Variants in SLC37A1 observed in about 807,000 individuals in gnomAD.
The protein encoded by SLC37A1 is glucose-6-phosphate exchanger SLC37A1.
In SLC37A1, 49 loss-of-function variants were observed where a neutral mutation model predicts 75.3. The observed-to-expected ratio is 0.65, with a 90% CI of 0.52 to 0.83. SLC37A1 has a LOEUF of 0.83. Among genes scored for constraint, SLC37A1 ranks in the 40% least tolerant of loss-of-function variants. SLC37A1 has a pLI of 0.00. For synonymous variants in SLC37A1, 268 were observed against 292.1 expected (o/e 0.92, Z 0.84); for missense variants, 566 against 695.0 (o/e 0.81, Z 2.09).
chr21:42,532,334 C>T (rs1219580802), intron 3 of SLC37A1, among the ~76,000 whole-genome samples: 1 of 152,220 alleles, frequency 6.6e-6, no homozygotes, highest in Non-Finnish European at 1.5e-5. Context: ...AAGCGGCGGC[C>T]TGCAGAATCT....
intron 10 of SLC37A1, 130 bp from the exon 11 acceptor site, chr21:42,558,828 A>G: frequency 9.0e-7 from 1 of 1,117,304 alleles, no homozygotes; most frequent in Non-Finnish European, 1.3e-6. Flanking sequence ...AATGTCACCC[A>G]GGATGTCTCC....
At chr21:42,551,017 T>G (rs1048646349) in intron 9 of SLC37A1, among the ~76,000 whole-genome samples, 19 of 152,212 alleles carry the variant, frequency 1.2e-4, no homozygotes, top group African/African-American at 3.4e-4. Flanking sequence ...GGAACAAGAC[T>G]AGGAGGCCTG....
intron 18 of SLC37A1, among the ~76,000 whole-genome samples, chr21:42,578,346 T>C (rs959662968): frequency 2.0e-5 from 3 of 152,248 alleles, no homozygotes; most frequent in Non-Finnish European, 4.4e-5. Flanking sequence ...TGTTTTGAAA[T>C]TGGATCTCTG....
intron 19 of SLC37A1, 126 bp downstream of exon 19, chr21:42,579,926 C>A: frequency 1.2e-6 from 1 of 839,202 alleles, no homozygotes; most frequent in Non-Finnish European, 1.9e-6. Flanking sequence ...TTTCACGGCA[C>A]GCCACCTTCA....
intron 2 of SLC37A1, among the ~76,000 whole-genome samples, chr21:42,521,585 C>T (rs763913411): frequency 1.8e-4 from 27 of 152,236 alleles, no homozygotes; most frequent in Admixed American, 1.1e-3. Flanking sequence ...CCTGAGAACA[C>T]GTGGTCTTCC....
In SLC37A1 at chr21:42,579,727, T is replaced by C; in HGVS notation, c.1522-9T>C. On this transcript the variant is annotated splice_polypyrimidine_tract_variant and intron_variant, in intron 18 of 19. Coordinates refer to ENST00000352133, the MANE Select transcript of SLC37A1 (RefSeq NM_001320537.2). ...AGTAACAGGTGGGCTCACCTTTGTT[T>C]TGGTGCAGTTCCTGATCCGCCTCAT... is the stretch of plus-strand genomic sequence containing the variant. 6.2e-7 allele frequency: 1 copy of C among 1,614,122 alleles called. No individual in the cohort carries two copies. Among genetic ancestry groups the C allele is most frequent in the Non-Finnish European group, 8.5e-7 (1 of 1,180,016 alleles).
chr21:42,567,209 C>A, intron 16 of SLC37A1, 151 bp downstream of exon 16: 1 of 717,070 alleles, frequency 1.4e-6, no homozygotes, highest in Non-Finnish European at 2.4e-6. Context: ...AGCCTTCCCG[C>A]ACCTGCCCCG....
At chr21:42,574,027 ACACACACATG>A (rs1355169243) in intron 17 of SLC37A1, among the ~76,000 whole-genome samples, 1 of 152,014 alleles carries the variant, frequency 6.6e-6, no homozygotes, top group Non-Finnish European at 1.5e-5. Context: ...GTGTTTTTAC[ACACACACATG>A]CACACACACA....
At chr21:42,574,174 G>A (rs1433694949) in intron 17 of SLC37A1, among the ~76,000 whole-genome samples, 1 of 152,234 alleles carries the variant, frequency 6.6e-6, no homozygotes, top group Non-Finnish European at 1.5e-5. Flanking sequence ...ACAGACCACA[G>A]TGCATGATCA....
chr21:42,529,196 C>G (rs1447297716), intron 3 of SLC37A1, among the ~76,000 whole-genome samples: 1 of 152,084 alleles, frequency 6.6e-6, no homozygotes, highest in Admixed American at 6.5e-5. Flanking sequence ...TTTGACAGAG[C>G]TTATTTAATA....
chr21:42,522,906 G>A (rs1335258478), intron 2 of SLC37A1, among the ~76,000 whole-genome samples: 1 of 152,260 alleles, frequency 6.6e-6, no homozygotes, highest in Non-Finnish European at 1.5e-5. Context: ...TGTGCTGTGA[G>A]CACCAGCCGG....
intron 1 of SLC37A1, chr21:42,515,047 C>A (rs3788018): frequency 0.82 from 124,566 of 152,226 alleles, 51,693 homozygotes; most frequent in African/African-American, 0.88. Context: ...TCATTTTGGA[C>A]CTGCATTTAC....
chr21:42,569,735 CTCT>C (rs2056078488), intron 17 of SLC37A1, among the ~76,000 whole-genome samples: 1 of 152,268 alleles, frequency 6.6e-6, no homozygotes, highest in Non-Finnish European at 1.5e-5. Flanking sequence ...GTTTTGTCTC[CTCT>C]GTCTCCTGCC....
upstream of SLC37A1, among the ~76,000 whole-genome samples, chr21:42,512,403 TAA>T (rs2054445091): frequency 6.6e-6 from 1 of 151,858 alleles, no homozygotes; most frequent in South Asian, 2.1e-4. Flanking sequence ...TGAGGCAGCT[TAA>T]AGAGTGGATT....
intron 10 of SLC37A1, among the ~76,000 whole-genome samples, chr21:42,557,247 A>C (rs550548049): frequency 6.6e-6 from 1 of 152,206 alleles, no homozygotes; most frequent in Admixed American, 6.5e-5. Context: ...TGTAGCCCTC[A>C]GCTTGCTATG....
At chr21:42,579,104 C>T (rs1292296444) in intron 18 of SLC37A1, among the ~76,000 whole-genome samples, 1 of 152,258 alleles carries the variant, frequency 6.6e-6, no homozygotes, top group Admixed American at 6.5e-5. Context: ...TGTAGGCTGG[C>T]GTTGAGCCCT....
chr21:42,499,896 T>A (rs2054325520), intron 1 of SLC37A1, among the ~76,000 whole-genome samples: 1 of 152,268 alleles, frequency 6.6e-6, no homozygotes, highest in African/African-American at 2.4e-5. Flanking sequence ...TGCTTCCTGG[T>A]GGGATGGCCT....
chr21:42,564,796 C>G lies in SLC37A1; in HGVS notation c.1221+3C>G, dbSNP rs376802555. ...TGCTGCTGCTCGCGGCCCCCACGGT[C>G]AGCCGTGCTGCCTTCCCTGGGCCCC... On this transcript the variant is annotated splice_donor_region_variant and intron_variant, in intron 14 of 19. Coordinates refer to ENST00000352133, the MANE Select transcript of SLC37A1 (RefSeq NM_001320537.2). 14 of 1,603,478 alleles carry G rather than the reference C, an allele frequency of 8.7e-6. No individual in the cohort carries two copies. The highest frequency in any genetic ancestry group is 1.1e-5 in the Non-Finnish European group (13 of 1,179,786).
At chr21:42,532,641 G>A (rs2055018661) in intron 3 of SLC37A1, among the ~76,000 whole-genome samples, 1 of 152,188 alleles carries the variant, frequency 6.6e-6, no homozygotes, top group African/African-American at 2.4e-5. Flanking sequence ...ATACAGAGAG[G>A]AAGGGCTGCA....
Sources: gnomAD v4.1 joint callset for allele counts (sites outside exome capture counted in the v4.1 genomes callset) on GRCh38, gnomAD v4.1.1 for gene constraint, MANE v1.5 for transcripts, NCBI Gene and HGNC (gene_info 2026-07-23, HGNC 2026-07-21) for gene names.